Variants in SLC25A21 observed in about 807,000 individuals in gnomAD.
SLC25A21 encodes solute carrier family 25 member 21.
A neutral mutation model predicts 43.8 loss-of-function variants in SLC25A21; 47 were observed. That is an observed-to-expected ratio of 1.07 (90% CI 0.85 to 1.37). The LOEUF (loss-of-function observed/expected upper bound fraction) is 1.37. Among genes scored for constraint, SLC25A21 ranks in the 40% most tolerant of loss-of-function variants. SLC25A21 has a pLI of 0.00. For synonymous variants in SLC25A21, 131 were observed against 121.3 expected (o/e 1.08, Z -0.52); for missense variants, 352 against 350.2 (o/e 1.00, Z -0.04).
At chr14:36,720,066 G>T (rs1198089863) in intron 6 of SLC25A21, among the ~76,000 whole-genome samples, 2 of 152,166 alleles carry the variant, frequency 1.3e-5, no homozygotes, top group Non-Finnish European at 2.9e-5. Context: ...CTGGCCCTCT[G>T]CCAGCCAGGC....
intron 6 of SLC25A21, among the ~76,000 whole-genome samples, chr14:36,717,875 T>G (rs775835961): frequency 1.9e-4 from 29 of 152,186 alleles, no homozygotes; most frequent in Non-Finnish European, 3.4e-4. Context: ...AAGAGAGGAT[T>G]TGAAATATCA....
intron 1 of SLC25A21, among the ~76,000 whole-genome samples, chr14:37,015,402 T>C (rs369804458): frequency 5.3e-5 from 8 of 152,068 alleles, no homozygotes; most frequent in Non-Finnish European, 8.8e-5. Flanking sequence ...TAGTATTCCA[T>C]GGTGTATATA....
chr14:36,762,075 A>G (rs752130379), intron 3 of SLC25A21, among the ~76,000 whole-genome samples: 10 of 152,208 alleles, frequency 6.6e-5, no homozygotes, highest in Non-Finnish European at 1.2e-4. Flanking sequence ...GTGAGCAGGT[A>G]CCATGCAGGG....
chr14:36,853,009 C>G (rs2138518302), intron 2 of SLC25A21, among the ~76,000 whole-genome samples: 1 of 151,752 alleles, frequency 6.6e-6, no homozygotes, highest in Non-Finnish European at 1.5e-5. Context: ...ACATTACATT[C>G]TTATTGTGAA....
At chr14:36,889,612 A>G (rs1384930816) in intron 1 of SLC25A21, among the ~76,000 whole-genome samples, 3 of 151,918 alleles carry the variant, frequency 2.0e-5, no homozygotes, top group Admixed American at 6.6e-5. Context: ...TCAGCCTCCT[A>G]CATATCTAGG....
At chr14:36,975,928 G>A (rs1959860319) in intron 1 of SLC25A21, among the ~76,000 whole-genome samples, 1 of 152,226 alleles carries the variant, frequency 6.6e-6, no homozygotes, top group South Asian at 2.1e-4. Flanking sequence ...ACATCTGTAA[G>A]CAGTGCTACT....
At chr14:37,153,670 G>A (rs578126492) in intron 1 of SLC25A21, among the ~76,000 whole-genome samples, 3 of 152,330 alleles carry the variant, frequency 2.0e-5, no homozygotes, top group East Asian at 1.9e-4. Flanking sequence ...TGGGGCCTCA[G>A]CATGGCTGCT....
chr14:37,091,849 C>T (rs1002149028), intron 1 of SLC25A21, among the ~76,000 whole-genome samples: 1 of 152,162 alleles, frequency 6.6e-6, no homozygotes, highest in African/African-American at 2.4e-5. Flanking sequence ...AAGGGTCAGC[C>T]AGGCGCAGTG....
At chr14:37,041,520 GT>G (rs1393701781) in intron 1 of SLC25A21, among the ~76,000 whole-genome samples, 8 of 152,112 alleles carry the variant, frequency 5.3e-5, no homozygotes, top group Admixed American at 6.5e-5. Context: ...ACAGCAATTG[GT>G]TTAGAAGTAC....
At chr14:36,918,189 T>A (rs1242105287) in intron 1 of SLC25A21, among the ~76,000 whole-genome samples, 69 of 152,140 alleles carry the variant, frequency 4.5e-4, no homozygotes, top group Non-Finnish European at 1.3e-4. Context: ...ACTGTAGAGA[T>A]TGAGCTGAAA....
At chr14:36,855,300 G>C (rs570001093) in intron 2 of SLC25A21, among the ~76,000 whole-genome samples, 1 of 152,096 alleles carries the variant, frequency 6.6e-6, no homozygotes, top group South Asian at 2.1e-4. Flanking sequence ...GTTTGAGAGG[G>C]GCCAAGTAGT....
intron 2 of SLC25A21, among the ~76,000 whole-genome samples, chr14:36,859,281 C>T: frequency 6.6e-6 from 1 of 152,252 alleles, no homozygotes; most frequent in Non-Finnish European, 1.5e-5. Flanking sequence ...AAAAGAACTA[C>T]ATTCAGGAAT....
intron 1 of SLC25A21, among the ~76,000 whole-genome samples, chr14:36,988,013 C>G (rs1960182063): frequency 6.6e-6 from 1 of 152,068 alleles, no homozygotes; most frequent in Middle Eastern, 3.2e-3. Context: ...GACAGCCTTC[C>G]AAGTAGATAG....
intron 1 of SLC25A21, among the ~76,000 whole-genome samples, chr14:37,002,845 G>T (rs921075279): frequency 6.6e-6 from 1 of 152,178 alleles, no homozygotes; most frequent in East Asian, 1.9e-4. Flanking sequence ...AAATGATGGT[G>T]TAGCAACAGC....
intron 1 of SLC25A21, among the ~76,000 whole-genome samples, chr14:37,057,057 G>C (rs562722725): frequency 6.6e-6 from 1 of 152,274 alleles, no homozygotes; most frequent in South Asian, 2.1e-4. Flanking sequence ...TTTATTTGGG[G>C]TTTAATGTGA....
intron 1 of SLC25A21, among the ~76,000 whole-genome samples, chr14:36,997,499 G>A (rs533923340): frequency 4.7e-4 from 71 of 152,240 alleles, no homozygotes; most frequent in African/African-American, 1.7e-3. Context: ...AGAAGTAAAT[G>A]TTTGACTGAA....
intron 1 of SLC25A21, among the ~76,000 whole-genome samples, chr14:36,951,290 T>C (rs986876815): frequency 6.6e-5 from 10 of 150,478 alleles, no homozygotes; most frequent in African/African-American, 2.4e-4. Context: ...ATCAATTCTG[T>C]TTAGAAAGAG....
chr14:37,097,842 C>T (rs1962730658), intron 1 of SLC25A21: 2 of 151,626 alleles, frequency 1.3e-5, no homozygotes, highest in Admixed American at 1.3e-4. Flanking sequence ...CGAGATCGCA[C>T]CATCGCACTT....
At chr14:36,772,695 A>T (rs1455920413) in intron 3 of SLC25A21, among the ~76,000 whole-genome samples, 3 of 152,206 alleles carry the variant, frequency 2.0e-5, no homozygotes, top group Non-Finnish European at 4.4e-5. Flanking sequence ...AAAACTGCCA[A>T]TTAACACATC....
Sources: allele counts gnomAD v4.1 joint callset (sites outside exome capture counted in the v4.1 genomes callset), GRCh38; gene constraint gnomAD v4.1.1; transcripts MANE v1.5; gene names NCBI Gene and HGNC (gene_info 2026-07-23, HGNC 2026-07-21).